ARHGEF10: variants seen among roughly 807,000 people sequenced by gnomAD.
ARHGEF10 encodes Rho guanine nucleotide exchange factor (GEF) 10.
A neutral mutation model predicts 147.4 loss-of-function variants in ARHGEF10; 140 were observed. The ratio of observed to expected loss-of-function variants is 0.95; its 90% CI spans 0.83 to 1.09. The LOEUF (loss-of-function observed/expected upper bound fraction) is 1.09, where lower values mean the gene tolerates loss of function less well. Ranked by LOEUF, ARHGEF10 falls within the 50% of genes least tolerant of loss-of-function variation. The pLI is 0.00. For synonymous variants in ARHGEF10, 902 were observed against 695.8 expected (o/e 1.30, Z -4.67); for missense variants, 2,222 against 1,752.7 (o/e 1.27, Z -4.78).
intron 1 of ARHGEF10, among the ~76,000 whole-genome samples, chr8:1,840,430 C>G (rs996620291): frequency 7.2e-6 from 1 of 139,592 alleles, no homozygotes; most frequent in African/African-American, 2.6e-5. Flanking sequence ...TGGAAGCTGT[C>G]CGGTGTGGGG....
At chr8:1,879,597 G>C (rs1808004278) in intron 8 of ARHGEF10, among the ~76,000 whole-genome samples, 2 of 150,780 alleles carry the variant, frequency 1.3e-5, no homozygotes, top group Admixed American at 6.6e-5. Flanking sequence ...CTGTCTGCCA[G>C]GCTGGAGGGC....
At chr8:1,903,540 G>T in intron 16 of ARHGEF10, 89 bp downstream of exon 16, 1 of 1,536,670 alleles carries the variant, frequency 6.5e-7, no homozygotes, top group Non-Finnish European at 8.9e-7. Flanking sequence ...TAATCTTTTG[G>T]ATCGTTTGGA....
At chr8:1,925,530 G>T (rs528702243) in intron 22 of ARHGEF10, 126 bp downstream of exon 22, 6 of 1,297,300 alleles carry the variant, frequency 4.6e-6, no homozygotes, top group Non-Finnish European at 6.3e-6. Flanking sequence ...CACAGTGACC[G>T]CTTCTCTAGA....
chr8:1,931,475 C>G (rs917330727), intron 25 of ARHGEF10, among the ~76,000 whole-genome samples: 6 of 152,212 alleles, frequency 3.9e-5, no homozygotes, highest in African/African-American at 1.4e-4. Flanking sequence ...TTGTCAGACG[C>G]GTTGCATGAT....
At chr8:1,892,763 G>A (rs894597290) in intron 11 of ARHGEF10, among the ~76,000 whole-genome samples, 4 of 152,182 alleles carry the variant, frequency 2.6e-5, no homozygotes, top group South Asian at 2.1e-4. Context: ...GCGGGAGTGC[G>A]CATGCTGGTT....
At chr8:1,846,919 C>T (rs1804607426) in intron 2 of ARHGEF10, among the ~76,000 whole-genome samples, 2 of 152,124 alleles carry the variant, frequency 1.3e-5, no homozygotes, top group East Asian at 1.9e-4. Flanking sequence ...ACCGCGTTAA[C>T]ATTTGTGTTT....
In ARHGEF10 at chr8:1,957,374, A is replaced by T; in HGVS notation, c.*111A>T. Reference sequence around the variant, plus strand: ...CTACACTGGTTGGGAATAAATTAAAAACAGTATTTGGGGGAGAAACGTGCA... The same window carrying T: ...CTACACTGGTTGGGAATAAATTAAATACAGTATTTGGGGGAGAAACGTGCA... On this transcript the variant is annotated 3_prime_UTR_variant, in exon 29 of 29. Coordinates refer to ENST00000349830, the MANE Select transcript of ARHGEF10 (RefSeq NM_014629.4). 6.8e-7 allele frequency: 1 copy of T among 1,469,774 alleles called. No homozygotes were observed. The highest frequency in any genetic ancestry group is 9.2e-7 in the Non-Finnish European group (1 of 1,091,790). 91.0% of individuals were successfully genotyped at this position (1,469,774 alleles called of 1,614,324 possible).
At chr8:1,883,050 G>C (rs1808353155) in intron 10 of ARHGEF10, among the ~76,000 whole-genome samples, 1 of 152,166 alleles carries the variant, frequency 6.6e-6, no homozygotes, top group Non-Finnish European at 1.5e-5. Flanking sequence ...TCTTAGTATT[G>C]GACTCTGTAT....
At chr8:1,918,854 T>G (rs1303370618) in intron 18 of ARHGEF10, among the ~76,000 whole-genome samples, 1 of 151,754 alleles carries the variant, frequency 6.6e-6, no homozygotes, top group Non-Finnish European at 1.5e-5. Flanking sequence ...GATAGAGCTG[T>G]TATGTGGATG....
chr8:1,922,485 A>C (rs1436083473), intron 18 of ARHGEF10, among the ~76,000 whole-genome samples: 2 of 152,242 alleles, frequency 1.3e-5, no homozygotes, highest in East Asian at 1.9e-4. Context: ...TCCTCCAAAA[A>C]TGTCAGGGTC....
intron 25 of ARHGEF10, among the ~76,000 whole-genome samples, chr8:1,930,702 T>A (rs1044908842): frequency 6.6e-6 from 1 of 152,232 alleles, no homozygotes; most frequent in East Asian, 1.9e-4. Context: ...GCCCCCGGAC[T>A]TTGACACCTC....
intron 1 of ARHGEF10, among the ~76,000 whole-genome samples, chr8:1,841,960 CGACCGGAACTGG>C (rs1316555751): frequency 2.4e-5 from 2 of 81,736 alleles, no homozygotes. Context: ...ACTGGGGCCG[CGACCGGAACTGG>C]GGCCGCGGCG....
At chr8:1,955,102 T>G in intron 28 of ARHGEF10, among the ~76,000 whole-genome samples, 1 of 92,572 alleles carries the variant, frequency 1.1e-5, no homozygotes, top group Admixed American at 1.1e-4. Context: ...CTCTGGAGGA[T>G]AGCCAGGTGC....
chr8:1,834,637 A>T (rs1187425286), intron 1 of ARHGEF10, among the ~76,000 whole-genome samples: 1 of 151,810 alleles, frequency 6.6e-6, no homozygotes, highest in Non-Finnish European at 1.5e-5. Flanking sequence ...GTCCTCACAG[A>T]CCTCTGGAAA....
intron 26 of ARHGEF10, among the ~76,000 whole-genome samples, chr8:1,939,264 T>C (rs1011117918): frequency 1.3e-5 from 2 of 152,238 alleles, no homozygotes; most frequent in African/African-American, 2.4e-5. Context: ...GGAGAAGCCA[T>C]GCCCAACATC....
At chr8:1,863,946 G>A (rs988332151) in intron 4 of ARHGEF10, among the ~76,000 whole-genome samples, 19 of 151,994 alleles carry the variant, frequency 1.3e-4, no homozygotes, top group Non-Finnish European at 2.1e-4. Flanking sequence ...CGTGCCAGGC[G>A]GATGCCCCTT....
chr8:1,934,322 C>T (rs116898017), intron 26 of ARHGEF10, among the ~76,000 whole-genome samples: 4 of 141,638 alleles, frequency 2.8e-5, no homozygotes, highest in African/African-American at 1.1e-4. Context: ...CCACTGCACT[C>T]CAGCCTGGGT....
chr8:1,846,465 C>G (rs1225126597), intron 2 of ARHGEF10, among the ~76,000 whole-genome samples: 5 of 152,246 alleles, frequency 3.3e-5, no homozygotes, highest in African/African-American at 1.2e-4. Context: ...TTACTGCGAC[C>G]TCATTTCTTC....
intron 18 of ARHGEF10, among the ~76,000 whole-genome samples, chr8:1,910,038 G>T (rs974901701): frequency 5.3e-5 from 8 of 151,890 alleles, no homozygotes; most frequent in African/African-American, 1.5e-4. Flanking sequence ...ACCTAACATT[G>T]TTCAGACTGC....
Sources: gnomAD v4.1 joint callset for allele counts (sites outside exome capture counted in the v4.1 genomes callset) on GRCh38, gnomAD v4.1.1 for gene constraint, MANE v1.5 for transcripts, NCBI Gene and HGNC (gene_info 2026-07-23, HGNC 2026-07-21) for gene names.